The following PI4KA variants were observed in gnomAD, a reference collection of about 807,000 sequenced individuals.
The protein encoded by PI4KA is phosphatidylinositol 4-kinase alpha.
PI4KA carries 122 observed loss-of-function variants against 271.4 expected under a neutral mutation model. The ratio of observed to expected loss-of-function variants is 0.45; its 90% CI spans 0.39 to 0.52. PI4KA has a LOEUF of 0.52. Ranked by LOEUF, PI4KA falls within the 20% of genes least tolerant of loss-of-function variation. The probability of loss-of-function intolerance (pLI) is 0.00; values close to 1 mark genes in which losing one functional copy is unlikely to be tolerated. For synonymous variants in PI4KA, 1,041 were observed against 1,078.8 expected (o/e 0.96, Z 0.69); for missense variants, 1,969 against 2,769.1 (o/e 0.71, Z 6.48).
In PI4KA at chr22:20,711,159, C is replaced by T. The variant is rs1256223005; in HGVS notation, c.5923+182G>A. 38 of 548,260 alleles carry T rather than the reference C, an allele frequency of 6.9e-5. 2 individuals carry two copies. The highest frequency in any genetic ancestry group is 2.6e-4 in the East Asian group (7 of 26,836). The allele number at this position is 548,260 out of a possible 1,614,324, so 34.0% of individuals were successfully genotyped here. The stretch of plus-strand genomic sequence containing the variant: ...GGCTCTCGCCCTAGCTCCCTGGGGC[C>T]GGGGCCAGGCACCCTCTACAGCAGA... On this transcript the variant is annotated intron_variant, in intron 51 of 54. Transcript: ENST00000255882.
Position 20,712,762 on chromosome 22 carries a change from C to G in PI4KA, c.5607G>C (p.Lys1869Asn), listed in dbSNP as rs1191693736. 6.4e-7 allele frequency: 1 copy of G among 1,550,652 alleles called. No homozygotes were observed. Among genetic ancestry groups the G allele is most frequent in the African/African-American group, 1.4e-5 (1 of 72,988 alleles). The change falls in exon 49 of 55, where the codon AAG becomes AAC. Residue 1869 changes from lysine to asparagine, a missense_variant. By Grantham distance (94) the Lys-to-Asn change is moderately conservative. Transcript: ENST00000255882. Reference sequence around the variant, plus strand: ...CCAGGCCGACCAGCTGGAAGATGTTCTTGAAGAGGTCGATGATCTGCAGGG... The same window carrying G: ...CCAGGCCGACCAGCTGGAAGATGTTGTTGAAGAGGTCGATGATCTGCAGGG... Reference protein sequence around the residue: ...MLALQIIDLFKNIFQLVGLDL... With the variant: ...MLALQIIDLFNNIFQLVGLDL...
intron 15 of PI4KA, 53 bp downstream of exon 15, chr22:20,799,618 C>T (rs563737147): frequency 2.5e-5 from 33 of 1,295,872 alleles, no homozygotes; most frequent in Admixed American, 6.0e-5. Flanking sequence ...GTGCCCCACA[C>T]GAGCCTGCTG....
In PI4KA at chr22:20,742,603, G is replaced by C. The variant is rs747137514; in HGVS notation, c.3613+5C>G. The stretch of plus-strand genomic sequence containing the variant: ...CCAGAATTCCACAGTGCTTCAGTGA[G>C]TTACCTTTACTGCTAATGAGCATTG... On this transcript the variant is annotated splice_donor_5th_base_variant and intron_variant, in intron 31 of 54. Coordinates refer to ENST00000255882, the MANE Select transcript of PI4KA (RefSeq NM_058004.4). The C allele has an allele frequency of 1.2e-6, 2 of 1,613,958 alleles. No homozygotes were observed. Among genetic ancestry groups the C allele is most frequent in the Non-Finnish European group, 1.7e-6 (2 of 1,179,942 alleles).
chr22:20,721,636 C>T, intron 42 of PI4KA: 1 of 542,712 alleles, frequency 1.8e-6, no homozygotes, highest in South Asian at 2.3e-5. Flanking sequence ...GGCAGGGTTG[C>T]AAAGCGGGCG....
chr22:20,850,450 A>AT (rs361892), intron 1 of PI4KA, among the ~76,000 whole-genome samples: 47,098 of 149,214 alleles, frequency 0.32, 7,571 homozygotes, highest in East Asian at 0.43. Context: ...TTAAAAAAAA[A>AT]TTTTTTTTTT....
intron 32 of PI4KA, among the ~76,000 whole-genome samples, chr22:20,735,136 C>T (rs1928556951): frequency 6.6e-6 from 1 of 151,342 alleles, no homozygotes; most frequent in Non-Finnish European, 1.5e-5. Context: ...GTCCCCATTC[C>T]GTGGGGGGGC....
intron 54 of PI4KA, 147 bp downstream of exon 54, chr22:20,709,149 C>T (rs1924918270): frequency 2.7e-6 from 2 of 738,748 alleles, no homozygotes; most frequent in Non-Finnish European, 4.8e-6. Context: ...CCCCACTGCT[C>T]CTCAAGAGCT....
Position 20,765,636 on chromosome 22 carries a change from G to C in PI4KA, c.2386C>G (p.Arg796Gly). The C allele has an allele frequency of 6.2e-7, 1 of 1,611,540 alleles. No homozygotes were observed. Among genetic ancestry groups the C allele is most frequent in the East Asian group, 2.2e-5 (1 of 44,776 alleles). The change falls in exon 20 of 55, where the codon CGA becomes GGA. Residue 796 changes from arginine (R) to glycine (G), a missense_variant. Around this residue, in one of 13 missense-constraint regions of PI4KA, gnomAD observed 368 missense variants for 544.3 expected, o/e 0.68. Transcript: ENST00000255882. ...AGAACGGAATACAGCCAGAAGTCTCGGAAGAGCTTCTGTAACCGAGGCTTA... is the reference window on the plus strand; with the variant it reads ...AGAACGGAATACAGCCAGAAGTCTCCGAAGAGCTTCTGTAACCGAGGCTTA... ...EAKPRLQKLF[R>G]DFWLYSVLMG...
intron 32 of PI4KA, chr22:20,736,287 G>C (rs1438665650): frequency 6.6e-6 from 1 of 151,414 alleles, no homozygotes; most frequent in African/African-American, 2.4e-5. Flanking sequence ...GGGATGTGCT[G>C]AGAATCATCC....
chr22:20,808,103 C>T (rs1338730926), intron 9 of PI4KA, among the ~76,000 whole-genome samples: 1 of 151,642 alleles, frequency 6.6e-6, no homozygotes, highest in Non-Finnish European at 1.5e-5. Flanking sequence ...CCAGCCTGAC[C>T]AACATGGAGA....
chr22:20,756,104 T>C lies in PI4KA; in HGVS notation c.2792-2924A>G, dbSNP rs566804477. ...CCGCAGCAATTTGAAAAGTTATCAG[T>C]GTGACCTGGACAGATGCTCAAGGGT... On this transcript the variant is annotated intron_variant, in intron 23 of 54. Coordinates refer to ENST00000255882, the MANE Select transcript of PI4KA (RefSeq NM_058004.4). Among the ~76,000 whole-genome samples the C allele has an allele frequency of 7.9e-5, 12 of 152,104 alleles. No individual in the cohort carries two copies. In the East Asian group the frequency reaches 2.1e-3, roughly 27 times the overall value.
intron 6 of PI4KA, 64 bp from the exon 7 acceptor site, chr22:20,818,613 TAG>T: frequency 1.6e-6 from 2 of 1,273,776 alleles, no homozygotes; most frequent in South Asian, 3.1e-5. Context: ...AGATTTGTCT[TAG>T]ACAAGGTCCT....
chr22:20,832,045 T>C (rs1346202562), intron 3 of PI4KA, among the ~76,000 whole-genome samples: 1 of 152,120 alleles, frequency 6.6e-6, no homozygotes, highest in African/African-American at 2.4e-5. Context: ...CTGAGTTATT[T>C]TGGAGAGCTG....
chr22:20,773,161 G>C lies in PI4KA; in HGVS notation c.2329-7468C>G, dbSNP rs867278329. On this transcript the variant is annotated intron_variant, in intron 19 of 54. Coordinates refer to ENST00000255882, the MANE Select transcript of PI4KA (RefSeq NM_058004.4). ...AGCACTTTGGGAGGCCGAGACGGGA[G>C]GATCACTTCACTCCAGGAGTTCAAC... 6.6e-5 allele frequency among the ~76,000 whole-genome samples: 10 copies of C among 152,172 alleles called. No individual in the cohort carries two copies. The Middle Eastern group carries it at 0.01, about 155-fold the overall frequency.
chr22:20,849,902 T>C, intron 1 of PI4KA, among the ~76,000 whole-genome samples: 1 of 152,080 alleles, frequency 6.6e-6, no homozygotes. Flanking sequence ...CCACATCTTA[T>C]AGAATTCTAT....
At position 20,742,185 on chromosome 22, in the gene PI4KA, A is replaced by T. The variant is rs752352638; in HGVS notation, c.3741+43T>A. 3 of 1,600,762 alleles carry T rather than the reference A, an allele frequency of 1.9e-6. No homozygotes were observed. In the Admixed American group the frequency reaches 5.1e-5, roughly 27 times the overall value. ...CCAGGGAAGGCTCTTCCCGTCTGTT[A>T]TCCCATCCCATCCTCACTGCCAACC... On this transcript the variant is annotated intron_variant, in intron 32 of 54. Coordinates refer to ENST00000255882, the MANE Select transcript of PI4KA (RefSeq NM_058004.4).
At chr22:20,851,647 A>T (rs1926995445) in intron 1 of PI4KA, among the ~76,000 whole-genome samples, 1 of 152,162 alleles carries the variant, frequency 6.6e-6, no homozygotes, top group African/African-American at 2.4e-5. Context: ...TGCGTTGGTT[A>T]TCCTGAATCC....
chr22:20,743,524 T>C (rs1047014733), intron 30 of PI4KA, among the ~76,000 whole-genome samples: 2 of 152,096 alleles, frequency 1.3e-5, no homozygotes, highest in Non-Finnish European at 2.9e-5. Context: ...GGTGCGATCA[T>C]AGTTCACTGC....
chr22:20,715,378 C>T (rs1285007164), intron 45 of PI4KA, among the ~76,000 whole-genome samples: 1 of 149,190 alleles, frequency 6.7e-6, no homozygotes, highest in African/African-American at 2.5e-5. Flanking sequence ...CCTTCCTTAC[C>T]CATTTGAATA....
Sources: gnomAD v4.1 joint callset for allele counts (sites outside exome capture counted in the v4.1 genomes callset) on GRCh38, gnomAD v4.1.1 for gene constraint, gnomAD v4.1.1 regional missense constraint, MANE v1.5 for transcripts, NCBI Gene and HGNC (gene_info 2026-07-23, HGNC 2026-07-21) for gene names.